Variants in VCAN observed in about 807,000 individuals in gnomAD.
The protein encoded by VCAN is versican core protein.
A neutral mutation model predicts 245.5 loss-of-function variants in VCAN; 44 were observed. The ratio of observed to expected loss-of-function variants is 0.18; its 90% CI spans 0.14 to 0.23. The LOEUF (loss-of-function observed/expected upper bound fraction) is 0.23. Among genes scored for constraint, VCAN ranks in the 10% least tolerant of loss-of-function variants. The pLI is 1.00. For missense variants in VCAN, 3,793 were observed against 4,057.9 expected (o/e 0.93, Z 1.77); for synonymous variants, 1,413 against 1,437.0 (o/e 0.98, Z 0.38).
chr5:83,564,313 A>G (rs1240379126), intron 12 of VCAN, among the ~76,000 whole-genome samples: 1 of 152,152 alleles, frequency 6.6e-6, no homozygotes, highest in Non-Finnish European at 1.5e-5. Flanking sequence ...ATATATCACC[A>G]CCTAGTGGTC....
intron 5 of VCAN, among the ~76,000 whole-genome samples, chr5:83,501,495 G>A (rs1745328788): frequency 6.6e-6 from 1 of 152,158 alleles, no homozygotes; most frequent in Non-Finnish European, 1.5e-5. Context: ...TGAGGTTGGA[G>A]TCCAAATTCA....
At chr5:83,549,043 T>C (rs1188477137) in intron 10 of VCAN, among the ~76,000 whole-genome samples, 1 of 152,190 alleles carries the variant, frequency 6.6e-6, no homozygotes, top group Non-Finnish European at 1.5e-5. Flanking sequence ...TTGTTTTAGA[T>C]TTTGAATATA....
intron 9 of VCAN, 73 bp from the exon 10 acceptor site, chr5:83,547,898 G>T: frequency 1.0e-6 from 1 of 977,232 alleles, no homozygotes; most frequent in Non-Finnish European, 1.6e-6. Context: ...ATGTTATCTT[G>T]CAACCTCACA....
At chr5:83,496,337 T>C (rs1177417796) in intron 5 of VCAN, among the ~76,000 whole-genome samples, 1 of 152,252 alleles carries the variant, frequency 6.6e-6, no homozygotes, top group African/African-American at 2.4e-5. Flanking sequence ...CCCAACTGTA[T>C]TTTATAAAGT....
intron 10 of VCAN, among the ~76,000 whole-genome samples, chr5:83,552,436 G>A (rs1326092576): frequency 6.6e-6 from 1 of 152,148 alleles, no homozygotes; most frequent in Non-Finnish European, 1.5e-5. Flanking sequence ...TTTTGTGAAA[G>A]TCAACCCCAC....
Position 83,522,119 on chromosome 5 carries a change from A to G in VCAN, c.3813A>G (p.Thr1271=), listed in dbSNP as rs1746131247. 2 of 1,614,102 alleles carry G rather than the reference A, an allele frequency of 1.2e-6. No individual in the cohort carries two copies. The highest frequency in any genetic ancestry group is 1.7e-6 in the Non-Finnish European group (2 of 1,180,038). ...TTGAAGATATTGTAGCCAAGGAAAC[A>G]GAAACCGATATTGATAGAGAGTATT... is the stretch of plus-strand genomic sequence containing the variant. ...TTLEDIVAKE[T]ETDIDREYFT... is the part of the protein sequence containing the mutation. Residue 1271 remains threonine, a synonymous_variant, in exon 7 of 15, where the codon ACA becomes ACG. Transcript: ENST00000265077.
chr5:83,483,467 A>G (rs1554036252), intron 1 of VCAN, 46 bp from the exon 2 acceptor site: 22 of 1,527,692 alleles, frequency 1.4e-5, no homozygotes, highest in Non-Finnish European at 1.5e-5. Flanking sequence ...GACCCACTTT[A>G]AACCTGAATG....
intron 12 of VCAN, among the ~76,000 whole-genome samples, chr5:83,570,470 G>T (rs1748246724): frequency 6.6e-6 from 1 of 152,030 alleles, no homozygotes; most frequent in Admixed American, 6.6e-5. Flanking sequence ...ATTATTTTAT[G>T]AAAGATCTAA....
At position 83,521,739 on chromosome 5, in the gene VCAN, A is replaced by G. The variant is rs757165532; in HGVS notation, c.3433A>G (p.Ser1145Gly). 5 of 1,614,092 alleles carry G rather than the reference A, an allele frequency of 3.1e-6. No individual in the cohort carries two copies. The African/African-American group carries it at 5.3e-5, about 17-fold the overall frequency. The change falls in exon 7 of 15, where the codon AGT becomes GGT. Residue 1145 changes from serine (S) to glycine (G), a missense_variant. Coordinates refer to ENST00000265077, the MANE Select transcript of VCAN (RefSeq NM_004385.5). ...GPEQKYETEG[S>G]STTGFTSSLS... ...TGAACAAAAATATGAAACAGAAGGT[A>G]GTAGTACAACAGGATTTACATCATC...
In VCAN at chr5:83,519,675, G is replaced by A. The variant is rs145029761; in HGVS notation, c.1369G>A (p.Glu457Lys). 339 of 1,614,012 alleles carry A rather than the reference G, an allele frequency of 2.1e-4. 1 individual carries two copies. The highest frequency in any genetic ancestry group is 2.7e-4 in the Non-Finnish European group (317 of 1,179,986). ...AAAGCTAGACATATCAGAAATTAAGGAAGAAGTGCTCCAGAGTACAACTGG... is the reference window on the plus strand; with the variant it reads ...AAAGCTAGACATATCAGAAATTAAGAAAGAAGTGCTCCAGAGTACAACTGG... ...LGKLDISEIK[E>K]EVLQSTTGVS... The change falls in exon 7 of 15, where the codon GAA (glutamate) becomes AAA (lysine). Residue 457 changes from glutamate (E) to lysine (K), a missense_variant. Around this residue, in one of 5 missense-constraint regions of VCAN, gnomAD observed 3,182 missense variants for 3,250.3 expected, o/e 0.98. Coordinates refer to ENST00000265077, the MANE Select transcript of VCAN (RefSeq NM_004385.5).
In VCAN at chr5:83,535,309, G is replaced by C. The variant is rs565572108; in HGVS notation, c.4004-1698G>C. Among the ~76,000 whole-genome samples, 4 of 152,096 alleles carry C rather than the reference G, an allele frequency of 2.6e-5. No individual in the cohort carries two copies. In the East Asian group the frequency reaches 7.7e-4, roughly 29 times the overall value. Reference sequence around the variant, plus strand: ...TGTGTAAAATTTCAATAGGAAGGGTGTTTAGTTAGGATAAGAATAACCCAG... The same window carrying C: ...TGTGTAAAATTTCAATAGGAAGGGTCTTTAGTTAGGATAAGAATAACCCAG... On this transcript the variant is annotated intron_variant, in intron 7 of 14. Coordinates refer to ENST00000265077, the MANE Select transcript of VCAN (RefSeq NM_004385.5).
chr5:83,474,257 A>G (rs1053473196), intron 1 of VCAN, among the ~76,000 whole-genome samples: 3 of 152,066 alleles, frequency 2.0e-5, no homozygotes, highest in African/African-American at 4.8e-5. Context: ...AAGTGGAAGG[A>G]AAGAGGACCG....
intron 6 of VCAN, among the ~76,000 whole-genome samples, chr5:83,517,692 T>C (rs867910268): frequency 1.3e-5 from 2 of 152,190 alleles, no homozygotes; most frequent in Non-Finnish European, 2.9e-5. Context: ...AGCTTTTCTT[T>C]AAAAAGGGGA....
At chr5:83,501,786 C>T (rs1170866831) in intron 5 of VCAN, among the ~76,000 whole-genome samples, 1 of 152,034 alleles carries the variant, frequency 6.6e-6, no homozygotes, top group Non-Finnish European at 1.5e-5. Flanking sequence ...CTTGAGTTCC[C>T]ACATGAATTT....
Position 83,521,516 on chromosome 5 carries a change from A to G in VCAN, c.3210A>G (p.Gly1070=), listed in dbSNP as rs1746098538. Residue 1070 remains glycine, a synonymous_variant, in exon 7 of 15, where the codon GGA becomes GGG. Transcript: ENST00000265077. ...CACTGGATGAACAAGAGGGCGATGG[A>G]TCAGCATATACAGTCTCTGAAGATG... ...VTPLDEQEGD[G]SAYTVSEDEL... The G allele has an allele frequency of 6.2e-7, 1 of 1,614,070 alleles. No individual in the cohort carries two copies. The highest frequency in any genetic ancestry group is 8.5e-7 in the Non-Finnish European group (1 of 1,180,004).
intron 6 of VCAN, among the ~76,000 whole-genome samples, chr5:83,515,905 G>GGAA (rs1745829275): frequency 6.6e-6 from 1 of 152,074 alleles, no homozygotes; most frequent in African/African-American, 2.4e-5. Flanking sequence ...ATTTGAATTT[G>GGAA]TTAGCATTCC....
chr5:83,568,139 T>C (rs1748155320), intron 12 of VCAN, among the ~76,000 whole-genome samples: 1 of 152,202 alleles, frequency 6.6e-6, no homozygotes, highest in Non-Finnish European at 1.5e-5. Context: ...GTTAATTTTT[T>C]TTTTATATTT....
Position 83,521,306 on chromosome 5 carries a change from C to T in VCAN, c.3000C>T (p.Pro1000=). 6.2e-7 allele frequency: 1 copy of T among 1,614,028 alleles called. No homozygotes were observed. The highest frequency in any genetic ancestry group is 8.5e-7 in the Non-Finnish European group (1 of 1,179,914). Residue 1000 remains proline, a synonymous_variant, in exon 7 of 15, where the codon CCC becomes CCT. Coordinates refer to ENST00000265077, the MANE Select transcript of VCAN (RefSeq NM_004385.5). ...VPSEDEVLGE[P]SQDILVIDQT... ...CAGAAGATGAAGTTCTAGGTGAACC[C>T]TCTCAAGACATACTTGTCATTGATC...
chr5:83,524,694 C>A (rs1418786759), intron 7 of VCAN, among the ~76,000 whole-genome samples: 1 of 152,054 alleles, frequency 6.6e-6, no homozygotes. Flanking sequence ...AACTGCTCAC[C>A]TATACTAATA....
Sources: gnomAD v4.1 joint callset for allele counts (sites outside exome capture counted in the v4.1 genomes callset) on GRCh38, gnomAD v4.1.1 for gene constraint, gnomAD v4.1.1 regional missense constraint, MANE v1.5 for transcripts, NCBI Gene and HGNC (gene_info 2026-07-23, HGNC 2026-07-21) for gene names.